The following ELAVL4 variants were observed in gnomAD, a reference collection of about 807,000 sequenced individuals.
ELAVL4 encodes ELAV-like protein 4.
Under a neutral mutation model 35.6 loss-of-function variants are expected in ELAVL4, and 1 was observed. That is an observed-to-expected ratio of 0.03 (90% CI 0.01 to 0.13). The LOEUF (loss-of-function observed/expected upper bound fraction) is 0.13. Among genes scored for constraint, ELAVL4 ranks in the 10% least tolerant of loss-of-function variants. The pLI, the probability that ELAVL4 is intolerant of heterozygous loss-of-function variation, is 1.00. For missense variants in ELAVL4, 267 were observed against 464.9 expected, an observed-to-expected ratio of 0.57 and a Z score of 3.91; for synonymous variants, 156 against 171.0, an observed-to-expected ratio of 0.91 and a Z score of 0.69.
At chr1:50,149,124 G>A (rs762760838) in intron 2 of ELAVL4, among the ~76,000 whole-genome samples, 10 of 152,090 alleles carry the variant, frequency 6.6e-5, no homozygotes, top group South Asian at 2.1e-4. Context: ...TAGGCCAGGC[G>A]CAGTGACTCA....
chr1:50,091,735 T>A (rs1403676495), intron 1 of ELAVL4, among the ~76,000 whole-genome samples: 1 of 152,242 alleles, frequency 6.6e-6, no homozygotes, highest in African/African-American at 2.4e-5. Context: ...CCTGAAACCA[T>A]GTTGTATTGA....
chr1:50,103,983 T>G, upstream of ELAVL4: 1 of 1,614,022 alleles, frequency 6.2e-7, no homozygotes, highest in Non-Finnish European at 8.5e-7. Context: ...ATGAGCCGGC[T>G]ACAGTCATAT....
intron 3 of ELAVL4, among the ~76,000 whole-genome samples, chr1:50,190,279 C>A (rs1205969580): frequency 6.6e-6 from 1 of 152,200 alleles, no homozygotes; most frequent in Non-Finnish European, 1.5e-5. Flanking sequence ...ATTAATATGC[C>A]ATCAATGCTG....
At chr1:50,063,698 C>T (rs1231348753) in intron 1 of ELAVL4, among the ~76,000 whole-genome samples, 3 of 152,318 alleles carry the variant, frequency 2.0e-5, no homozygotes, top group East Asian at 3.9e-4. Context: ...TTCTTCTTGT[C>T]TGGACTGCCT....
intron 1 of ELAVL4, among the ~76,000 whole-genome samples, chr1:50,113,161 A>G (rs530557179): frequency 6.6e-6 from 1 of 151,990 alleles, no homozygotes; most frequent in African/African-American, 2.4e-5. Flanking sequence ...GGATGAATTG[A>G]GATGTTTTTC....
chr1:50,081,476 CTA>C (rs1318579203), intron 1 of ELAVL4, among the ~76,000 whole-genome samples: 1 of 152,194 alleles, frequency 6.6e-6, no homozygotes, highest in African/African-American at 2.4e-5. Context: ...ATCTGCTGAC[CTA>C]TGTTAAAATG....
At chr1:50,190,928 A>G (rs917244416) in intron 3 of ELAVL4, among the ~76,000 whole-genome samples, 2 of 152,152 alleles carry the variant, frequency 1.3e-5, no homozygotes, top group Non-Finnish European at 2.9e-5. Flanking sequence ...ACCTGACTCC[A>G]CCACCACCTT....
intron 2 of ELAVL4, among the ~76,000 whole-genome samples, chr1:50,168,296 A>T (rs1426740260): frequency 6.6e-6 from 1 of 151,996 alleles, no homozygotes; most frequent in Non-Finnish European, 1.5e-5. Flanking sequence ...CTTCATTAGG[A>T]TCCTCCCACA....
intron 1 of ELAVL4, among the ~76,000 whole-genome samples, chr1:50,072,346 G>A (rs1295730683): frequency 6.6e-6 from 1 of 152,160 alleles, no homozygotes; most frequent in Non-Finnish European, 1.5e-5. Context: ...AGAAACTGTA[G>A]GCTGGGTAAT....
chr1:50,097,335 C>T (rs1233082728), intron 1 of ELAVL4, among the ~76,000 whole-genome samples: 1 of 152,216 alleles, frequency 6.6e-6, no homozygotes, highest in Non-Finnish European at 1.5e-5. Flanking sequence ...AGCTTAATTT[C>T]CCTTTAGCCA....
chr1:50,124,225 T>C (rs1669509995), intron 1 of ELAVL4, among the ~76,000 whole-genome samples: 1 of 152,108 alleles, frequency 6.6e-6, no homozygotes, highest in South Asian at 2.1e-4. Flanking sequence ...ACTTTTTCCC[T>C]GATCACCATG....
At chr1:50,064,806 C>T (rs542267056) in intron 1 of ELAVL4, among the ~76,000 whole-genome samples, 1 of 152,264 alleles carries the variant, frequency 6.6e-6, no homozygotes, top group African/African-American at 2.4e-5. Flanking sequence ...ATTCATTTGA[C>T]AATTAGTAAT....
At chr1:50,133,615 G>GAA (rs1331909095) in intron 1 of ELAVL4, among the ~76,000 whole-genome samples, 2 of 140,296 alleles carry the variant, frequency 1.4e-5, no homozygotes, top group African/African-American at 2.6e-5. Context: ...AAGAAAGAAA[G>GAA]AAAGAAAGAA....
chr1:50,049,319 C>T lies in ELAVL4; in HGVS notation c.18+1137C>T, dbSNP rs372702616. Among the ~76,000 whole-genome samples, 20 of 152,262 alleles carry T rather than the reference C, an allele frequency of 1.3e-4. No homozygotes were observed. In the South Asian group the frequency reaches 3.5e-3, roughly 27 times the overall value. On this transcript the variant is annotated intron_variant, in intron 1 of 6. Coordinates refer to the ELAVL4 transcript ENST00000448907. ...GCCTAGCTTTTAATATTTTATAATA[C>T]TTGCAAATTGACACTGAACAAGCTT...
intron 2 of ELAVL4, among the ~76,000 whole-genome samples, chr1:50,165,889 G>A (rs1483569585): frequency 5.3e-5 from 8 of 151,114 alleles, no homozygotes; most frequent in Non-Finnish European, 7.4e-5. Context: ...ACAAGGTCCC[G>A]CAATCGGTTG....
intron 1 of ELAVL4, chr1:50,114,800 G>T (rs1343378042): frequency 6.6e-6 from 1 of 152,054 alleles, no homozygotes; most frequent in Non-Finnish European, 1.5e-5. Flanking sequence ...AAGTATTCAG[G>T]CAGTGTATTC....
In ELAVL4 at chr1:50,189,467, G is replaced by A. The variant is rs1387378156; in HGVS notation, c.355-4298G>A. ...TTTGGAAAGTGGAAAGTACTTTGTC[G>A]GCATAAAGCAGTGGGATCTGTGGAA... On this transcript the variant is annotated intron_variant, in intron 3 of 6. Coordinates refer to ENST00000371824, the MANE Select transcript of ELAVL4 (RefSeq NM_001144774.3). Among the ~76,000 whole-genome samples, 6 of 152,200 alleles carry A rather than the reference G, an allele frequency of 3.9e-5. No homozygotes were observed. In the South Asian group the frequency reaches 1.2e-3, roughly 31 times the overall value.
chr1:50,126,300 C>T (rs1458699165), intron 1 of ELAVL4, among the ~76,000 whole-genome samples: 2 of 151,954 alleles, frequency 1.3e-5, no homozygotes, highest in Non-Finnish European at 2.9e-5. Context: ...CTGTGTTGGC[C>T]CCATCCTCTT....
chr1:50,134,970 G>A (rs953688771), intron 1 of ELAVL4, among the ~76,000 whole-genome samples: 2 of 152,124 alleles, frequency 1.3e-5, no homozygotes, highest in African/African-American at 4.8e-5. Flanking sequence ...ATGTGTCTGG[G>A]GAAGAAGATT....
Sources: allele counts gnomAD v4.1 joint callset (sites outside exome capture counted in the v4.1 genomes callset), GRCh38; gene constraint gnomAD v4.1.1; transcripts MANE v1.5; gene names NCBI Gene and HGNC (gene_info 2026-07-23, HGNC 2026-07-21).